The following WDR59 variants were observed in gnomAD, a reference collection of about 807,000 sequenced individuals.
The protein encoded by WDR59 is GATOR2 complex protein WDR59.
WDR59 carries 100 observed loss-of-function variants against 131.2 expected under a neutral mutation model. That is an observed-to-expected ratio of 0.76 (90% confidence interval 0.65 to 0.90). WDR59 has a LOEUF of 0.90. Among genes scored for constraint, WDR59 ranks in the 40% least tolerant of loss-of-function variants. WDR59 has a pLI of 0.00. For missense variants in WDR59, 1,203 were observed against 1,262.2 expected (o/e 0.95, Z 0.71); for synonymous variants, 601 against 466.2 (o/e 1.29, Z -3.72).
rs761054938 is a variant in WDR59 at position 74,904,012 on chromosome 16, T to C, written c.1801A>G (p.Ser601Gly). Residue 601 changes from serine (S) to glycine (G), a missense_variant, in exon 18 of 26, where the codon AGT (serine) becomes GGT (glycine). By Grantham distance (56) the Ser-to-Gly change is moderately conservative. Transcript: ENST00000262144. Reference protein sequence around the residue: ...TEAPGNLRLYSGSPTRSEKEQ... With the variant: ...TEAPGNLRLYGGSPTRSEKEQ... Reference sequence around the variant, plus strand: ...TTCTCGCTGCGAGTGGGGCTCCCACTGTATAAACGAAGGTTCCCAGGGGCC... The same window carrying C: ...TTCTCGCTGCGAGTGGGGCTCCCACCGTATAAACGAAGGTTCCCAGGGGCC... The C allele has an allele frequency of 1.9e-6, 3 of 1,612,256 alleles. No individual in the cohort carries two copies. The highest frequency in any genetic ancestry group is 2.2e-5 in the East Asian group (1 of 44,854).
intron 2 of WDR59, among the ~76,000 whole-genome samples, chr16:74,961,850 A>T (rs1458220750): frequency 6.6e-6 from 1 of 152,168 alleles, no homozygotes; most frequent in African/African-American, 2.4e-5. Flanking sequence ...TGTTTTTGTC[A>T]TAAAATCTTT....
chr16:74,896,177 C>G (rs987538186), intron 18 of WDR59, among the ~76,000 whole-genome samples: 1 of 152,086 alleles, frequency 6.6e-6, no homozygotes. Flanking sequence ...TGGAAGGCTT[C>G]TAAAACACCG....
chr16:74,909,731 T>G, intron 15 of WDR59, 74 bp from the exon 16 acceptor site: 1 of 1,561,746 alleles, frequency 6.4e-7, no homozygotes, highest in South Asian at 1.2e-5. Flanking sequence ...AGACCCAGTA[T>G]GACAAAACCA....
chr16:74,966,206 G>A (rs909100039), intron 1 of WDR59, among the ~76,000 whole-genome samples: 2 of 152,080 alleles, frequency 1.3e-5, no homozygotes, highest in African/African-American at 2.4e-5. Flanking sequence ...CAGGCTGGGC[G>A]GGGTGGCTCA....
At chr16:74,900,857 G>A (rs1370434336) in intron 18 of WDR59, among the ~76,000 whole-genome samples, 16 of 152,232 alleles carry the variant, frequency 1.1e-4, no homozygotes, top group Admixed American at 8.5e-4. Flanking sequence ...AGTGGCTCAC[G>A]CCTGTAATCC....
chr16:74,909,835 A>C lies in WDR59; in HGVS notation c.1472T>G (p.Leu491Arg). The change falls in exon 15 of 26, where the codon CTT (leucine) becomes CGT (arginine). Residue 491 changes from leucine (L) to arginine (R), a missense_variant. Leu to Arg is a moderately radical substitution (Grantham distance 102). Coordinates refer to ENST00000262144, the MANE Select transcript of WDR59 (RefSeq NM_030581.4). ...EPCLRQLVSC[L>R]ESFVNQEDSA... ...CATGCTTCCCACCACAAAGGACTCAAGGCAGGAGACGAGCTGGCGCAGGCA... is the reference window on the plus strand; with the variant it reads ...CATGCTTCCCACCACAAAGGACTCACGGCAGGAGACGAGCTGGCGCAGGCA... 6.2e-7 allele frequency: 1 copy of C among 1,612,556 alleles called. No individual in the cohort carries two copies. Among genetic ancestry groups the C allele is most frequent in the Non-Finnish European group, 8.5e-7 (1 of 1,180,004 alleles).
At chr16:74,916,670 C>T (rs1217864492) in intron 11 of WDR59, among the ~76,000 whole-genome samples, 3 of 151,996 alleles carry the variant, frequency 2.0e-5, no homozygotes, top group Non-Finnish European at 4.4e-5. Flanking sequence ...ACCAGCCTGG[C>T]CAAGAGGGTG....
intron 21 of WDR59, among the ~76,000 whole-genome samples, chr16:74,889,267 G>A (rs1964924291): frequency 6.6e-6 from 1 of 152,204 alleles, no homozygotes; most frequent in African/African-American, 2.4e-5. Flanking sequence ...TGAACGCAAA[G>A]GCAATGTTTT....
At chr16:74,966,728 T>C (rs2033792001) in intron 1 of WDR59, among the ~76,000 whole-genome samples, 1 of 152,188 alleles carries the variant, frequency 6.6e-6, no homozygotes, top group African/African-American at 2.4e-5. Context: ...CAAGGTCATA[T>C]TCTGGATACT....
intron 18 of WDR59, among the ~76,000 whole-genome samples, chr16:74,896,937 A>G (rs1274420931): frequency 1.3e-5 from 2 of 152,210 alleles, no homozygotes; most frequent in Non-Finnish European, 2.9e-5. Flanking sequence ...CACAGCCATC[A>G]GCGCTGAGAT....
At chr16:74,956,641 T>A in intron 2 of WDR59, 31 bp from the exon 3 acceptor site, 1 of 1,602,910 alleles carries the variant, frequency 6.2e-7, no homozygotes, top group Non-Finnish European at 8.5e-7. Context: ...TATAATAGTA[T>A]AAAAACACAA....
rs1234852857 is a variant in WDR59 at position 74,939,969 on chromosome 16, A to C, written c.535-1703T>G. Among the ~76,000 whole-genome samples, 7 of 152,310 alleles carry C rather than the reference A, an allele frequency of 4.6e-5. No individual in the cohort carries two copies. In the East Asian group the frequency reaches 1.4e-3, roughly 29 times the overall value. Reference sequence around the variant, plus strand: ...AACTGCACTCCAACCTGGGAGACAGAGGGAGACTGTCTCAAAAACAAAAAA... The same window carrying C: ...AACTGCACTCCAACCTGGGAGACAGCGGGAGACTGTCTCAAAAACAAAAAA... On this transcript the variant is annotated intron_variant, in intron 7 of 25. Transcript: ENST00000262144.
intron 1 of WDR59, among the ~76,000 whole-genome samples, chr16:74,974,174 CAA>C (rs374940029): frequency 1.3e-5 from 2 of 151,694 alleles, no homozygotes; most frequent in African/African-American, 4.9e-5. Context: ...ATCTCAAAAA[CAA>C]AGAAAAAAAT....
rs1044061821 is a variant in WDR59, at chr16:74,956,488, T to C, written c.227A>G (p.Tyr76Cys). ...QWNPHDSFAH[Y>C]FAASSNQRVD... Reference sequence around the variant, plus strand: ...AAATAAGCTCACCGAAGCCGCAAAATAGTGTGCAAAGCTGTCATGAGGATT... The same window carrying C: ...AAATAAGCTCACCGAAGCCGCAAAACAGTGTGCAAAGCTGTCATGAGGATT... The change falls in exon 3 of 26, where the codon TAT (tyrosine) becomes TGT (cysteine). Residue 76 changes from tyrosine to cysteine, a missense_variant. By Grantham distance (194) the Tyr-to-Cys change is radical (BLOSUM62 -2). Transcript: ENST00000262144. 1 of 1,613,326 alleles carries C rather than the reference T, an allele frequency of 6.2e-7. No individual in the cohort carries two copies. The highest frequency in any genetic ancestry group is 8.5e-7 in the Non-Finnish European group (1 of 1,179,846).
At position 74,912,333 on chromosome 16, in the gene WDR59, C is replaced by T. The variant is rs781667024; in HGVS notation, c.1254G>A (p.Val418=). The part of the protein sequence containing the change: ...EMDAADRSCT[V]SVHCSNHRVK... ...CACGATGGTTGCTGCAGTGCACAGA[C>T]ACTGTGCAGCTCCTGTCTGCCGCAT... The change falls in exon 14 of 26, where the codon GTG becomes GTA. Residue 418 remains valine, a synonymous_variant. Transcript: ENST00000262144. 1.2e-6 allele frequency: 2 copies of T among 1,613,976 alleles called. No homozygotes were observed. The highest frequency in any genetic ancestry group is 1.7e-6 in the Non-Finnish European group (2 of 1,180,016).
chr16:74,945,800 G>C (rs8045453), intron 6 of WDR59, among the ~76,000 whole-genome samples: 2 of 150,488 alleles, frequency 1.3e-5, no homozygotes, highest in African/African-American at 2.5e-5. Context: ...AGAGAGACAG[G>C]CCACATTCAC....
intron 25 of WDR59, among the ~76,000 whole-genome samples, chr16:74,883,534 C>G (rs536738023): frequency 6.6e-6 from 1 of 152,292 alleles, no homozygotes; most frequent in South Asian, 2.1e-4. Flanking sequence ...CAGAAGAGCT[C>G]TGTACAGACA....
At chr16:74,961,018 G>A (rs533007100) in intron 2 of WDR59, among the ~76,000 whole-genome samples, 46 of 151,968 alleles carry the variant, frequency 3.0e-4, no homozygotes, top group African/African-American at 1.1e-3. Flanking sequence ...TTCAGTATAA[G>A]AAAATGCCAG....
In WDR59 at chr16:74,915,954, C is replaced by A; in HGVS notation, c.1140G>T (p.Arg380Ser). 6.2e-7 allele frequency: 1 copy of A among 1,614,184 alleles called. No homozygotes were observed. Among genetic ancestry groups the A allele is most frequent in the Non-Finnish European group, 8.5e-7 (1 of 1,180,030 alleles). The stretch of plus-strand genomic sequence containing the variant: ...GAGGCAGCCCCAGTTGATCTGATTT[C>A]CTCTCTTCCAGGAGATTTCTAGGGG... ...EDPPRNLLEE[R>S]KSDQLGLPQT... Residue 380 changes from arginine (R) to serine (S), a missense_variant, in exon 13 of 26, where the codon AGG (arginine) becomes AGT (serine). By Grantham distance (110) the Arg-to-Ser change is moderately radical. Coordinates refer to ENST00000262144, the MANE Select transcript of WDR59 (RefSeq NM_030581.4).
Sources: allele counts gnomAD v4.1 joint callset (sites outside exome capture counted in the v4.1 genomes callset), GRCh38; gene constraint gnomAD v4.1.1; transcripts MANE v1.5; gene names NCBI Gene and HGNC (gene_info 2026-07-23, HGNC 2026-07-21).